The following MISP3 variants were observed in gnomAD, a reference collection of about 807,000 sequenced individuals.
MISP3 encodes uncharacterized protein MISP3.
In MISP3, 9 loss-of-function variants were observed where a neutral mutation model predicts 5.5. The observed-to-expected ratio is 1.65, with a 90% CI of 0.99 to 2.87. The LOEUF is 2.87. MISP3 is among the 30% of genes most tolerant of loss of function. MISP3 has a pLI of 0.00. For missense variants in MISP3, 152 were observed against 84.1 expected (o/e 1.81, Z -3.16); for synonymous variants, 87 against 38.1 (o/e 2.28, Z -4.73).
rs1174335394 is a variant in MISP3, at chr19:14,073,969, G to T, written c.568+92G>T. 2 of 646,532 alleles carry T rather than the reference G, an allele frequency of 3.1e-6. No homozygotes were observed. The highest frequency in any genetic ancestry group is 5.1e-5 in the Admixed American group (2 of 38,968). The allele number at this position is 646,532 out of a possible 1,614,324, so 40.0% of individuals were successfully genotyped here. A position where few individuals can be genotyped will look rare whatever the true frequency, so the allele number is the denominator to read the frequency against. ...TCAGTGGCCCCTCCTGTGGCCCTCC[G>T]ATTCTCGGGGTCTCTCCCTCCAAGC... On this transcript the variant is annotated intron_variant, in intron 1 of 2. Coordinates refer to ENST00000587086, the MANE Select transcript of MISP3 (RefSeq NM_001291291.2). This position sits in a 1 kb window ranked among gnomAD's most constrained non-coding sequence, Gnocchi z 8.5.
In MISP3 at chr19:14,074,439, G is replaced by A. The variant is rs1003518665; in HGVS notation, c.618G>A (p.Lys206=). ...TGGTGATCTGGCCCCCCCGCAGAAA[G>A]GTCTCGGAGAACGGCCTGGAGCAGG... ...KLVVIWPPRR[K]VSENGLEQEE... Residue 206 remains lysine (K), a synonymous_variant, in exon 2 of 3, where the codon AAG becomes AAA. Transcript: ENST00000587086. The surrounding 1 kb of genome is among the most constrained non-coding windows in gnomAD (Gnocchi z 4.4). The A allele has an allele frequency of 1.4e-6, 1 of 702,830 alleles. No individual in the cohort carries two copies. The highest frequency in any genetic ancestry group is 2.6e-6 in the Non-Finnish European group (1 of 384,974). The allele number at this position is 702,830 out of a possible 1,614,324, so 43.5% of individuals were successfully genotyped here.
Position 14,073,942 on chromosome 19 carries a change from C to A in MISP3, c.568+65C>A, listed in dbSNP as rs1976642253. On this transcript the variant is annotated intron_variant, in intron 1 of 2. Transcript: ENST00000587086. This position sits in a 1 kb window ranked among gnomAD's most constrained non-coding sequence, Gnocchi z 8.5. ...CCAGCCGCCCCCACCGATTGCCCAA[C>A]TTCAGTGGCCCCTCCTGTGGCCCTC... is the stretch of plus-strand genomic sequence containing the variant. 1.5e-6 allele frequency: 1 copy of A among 681,936 alleles called. No homozygotes were observed. Among genetic ancestry groups the A allele is most frequent in the Admixed American group, 2.2e-5 (1 of 45,838 alleles). The allele number at this position is 681,936 out of a possible 1,614,324, so 42.2% of individuals were successfully genotyped here.
In MISP3 at chr19:14,073,248, C is replaced by T. The variant is rs1262620690; in HGVS notation, c.-62C>T. Reference sequence around the variant, plus strand: ...TCCTCCTCCAGGTCAGGCTCGGAAGCCCCCCACCTGCGTTTTCCGCCGTGC... The same window carrying T: ...TCCTCCTCCAGGTCAGGCTCGGAAGTCCCCCACCTGCGTTTTCCGCCGTGC... On this transcript the variant is annotated 5_prime_UTR_variant, in exon 1 of 3. Transcript: ENST00000587086. The surrounding 1 kb of genome is among the most constrained non-coding windows in gnomAD (Gnocchi z 8.5). 1.2e-5 allele frequency: 8 copies of T among 683,264 alleles called. No homozygotes were observed. The East Asian group carries it at 1.9e-4, about 17-fold the overall frequency. The allele number at this position is 683,264 out of a possible 1,614,324, so 42.3% of individuals were successfully genotyped here. A position where few individuals can be genotyped will look rare whatever the true frequency, so the allele number is the denominator to read the frequency against.
At position 14,074,870 on chromosome 19, in the gene MISP3, C is replaced by T. The variant is rs1480874510; in HGVS notation, c.*147C>T. 4.7e-6 allele frequency: 3 copies of T among 636,976 alleles called. No homozygotes were observed. Among genetic ancestry groups the T allele is most frequent in the East Asian group, 2.8e-5 (1 of 36,166 alleles). 39.5% of individuals were successfully genotyped at this position (636,976 alleles called of 1,614,324 possible). On this transcript the variant is annotated 3_prime_UTR_variant, in exon 3 of 3. Coordinates refer to ENST00000587086, the MANE Select transcript of MISP3 (RefSeq NM_001291291.2). This position sits in a 1 kb window ranked among gnomAD's most constrained non-coding sequence, Gnocchi z 4.4. ...ACTTGCCTTTGTGAAATTGACCAGC[C>T]CCCTCTATAAAACTTACAGTCCCCC...
In MISP3 at chr19:14,074,888, A is replaced by G. The variant is rs1345065506; in HGVS notation, c.*165A>G. 2 of 614,130 alleles carry G rather than the reference A, an allele frequency of 3.3e-6. No homozygotes were observed. Among genetic ancestry groups the G allele is most frequent in the Non-Finnish European group, 6.0e-6 (2 of 333,654 alleles). The allele number at this position is 614,130 out of a possible 1,614,324, so 38.0% of individuals were successfully genotyped here. On this transcript the variant is annotated 3_prime_UTR_variant, in exon 3 of 3. Coordinates refer to ENST00000587086, the MANE Select transcript of MISP3 (RefSeq NM_001291291.2). This position sits in a 1 kb window ranked among gnomAD's most constrained non-coding sequence, Gnocchi z 4.4. ...GACCAGCCCCCTCTATAAAACTTAC[A>G]GTCCCCCATTGGGAAACTGACCACC...
rs921679118 is a variant in MISP3, at chr19:14,073,417, G to A, written c.108G>A (p.Glu36=). The A allele has an allele frequency of 1.6e-5, 11 of 674,440 alleles. No homozygotes were observed. Among genetic ancestry groups the A allele is most frequent in the Non-Finnish European group, 2.9e-5 (11 of 373,854 alleles). 41.8% of individuals were successfully genotyped at this position (674,440 alleles called of 1,614,324 possible). The stretch of plus-strand genomic sequence containing the variant: ...GCCGCGCAGGCCGTGAACTCGTCGA[G>A]CTGCGCGTGCGGCCGGTGCTCAACC... The part of the protein sequence containing the change: ...SPGRAGRELV[E]LRVRPVLNLP... Residue 36 remains glutamate, a synonymous_variant, in exon 1 of 3, where the codon GAG becomes GAA. Transcript: ENST00000587086. The surrounding 1 kb of genome is among the most constrained non-coding windows in gnomAD (Gnocchi z 8.5).
rs1313289865 is a variant in MISP3, at chr19:14,073,908, C to T, written c.568+31C>T. The T allele has an allele frequency of 1.4e-6, 1 of 697,150 alleles. No individual in the cohort carries two copies. Among genetic ancestry groups the T allele is most frequent in the Non-Finnish European group, 2.6e-6 (1 of 382,744 alleles). 43.2% of individuals were successfully genotyped at this position (697,150 alleles called of 1,614,324 possible). ...CCGCGGGCGTAGCAACGCCGGGACCCCCAGGGTTCCAGCCGCCCCCACCGA... is the reference window on the plus strand; with the variant it reads ...CCGCGGGCGTAGCAACGCCGGGACCTCCAGGGTTCCAGCCGCCCCCACCGA... On this transcript the variant is annotated intron_variant, in intron 1 of 2. Coordinates refer to ENST00000587086, the MANE Select transcript of MISP3 (RefSeq NM_001291291.2). This position sits in a 1 kb window ranked among gnomAD's most constrained non-coding sequence, Gnocchi z 8.5.
Position 14,074,788 on chromosome 19 carries a change from C to T in MISP3, c.*65C>T. ...CGCGTCAGAGGAACAGGGCGGGGGG[C>T]GTCTAGCATTAGGCCTGGAGAAGGG... On this transcript the variant is annotated 3_prime_UTR_variant, in exon 3 of 3. Transcript: ENST00000587086. The surrounding 1 kb of genome is among the most constrained non-coding windows in gnomAD (Gnocchi z 4.4). The T allele has an allele frequency of 1.4e-6, 1 of 693,588 alleles. No homozygotes were observed. Among genetic ancestry groups the T allele is most frequent in the Non-Finnish European group, 2.7e-6 (1 of 377,244 alleles). The allele number at this position is 693,588 out of a possible 1,614,324, so 43.0% of individuals were successfully genotyped here. A position where few individuals can be genotyped will look rare whatever the true frequency, so the allele number is the denominator to read the frequency against.
chr19:14,073,138 T>G lies in MISP3; in HGVS notation c.-172T>G. 1 of 666,034 alleles carries G rather than the reference T, an allele frequency of 1.5e-6. No individual in the cohort carries two copies. Among genetic ancestry groups the G allele is most frequent in the Non-Finnish European group, 2.8e-6 (1 of 361,346 alleles). The allele number at this position is 666,034 out of a possible 1,614,324, so 41.3% of individuals were successfully genotyped here. ...CCACAGCTGCGGGCTTTGAGAGTCC[T>G]GAGCCAGGCAGAGACGACCCTGGGC... On this transcript the variant is annotated 5_prime_UTR_variant, in exon 1 of 3. Coordinates refer to ENST00000587086, the MANE Select transcript of MISP3 (RefSeq NM_001291291.2). This position sits in a 1 kb window ranked among gnomAD's most constrained non-coding sequence, Gnocchi z 8.5.
Position 14,073,791 on chromosome 19 carries a change from T to C in MISP3, c.482T>C (p.Val161Ala), listed in dbSNP as rs1297494711. ...PSLLEQEVRAVREREQELQRQ... is the reference protein window; with the variant it reads ...PSLLEQEVRAAREREQELQRQ... The stretch of plus-strand genomic sequence containing the variant: ...CTGCTGGAGCAGGAGGTGCGCGCCG[T>C]GCGCGAGCGCGAGCAGGAACTGCAG... Residue 161 changes from valine to alanine, a missense_variant, in exon 1 of 3, where the codon GTG becomes GCG. Val to Ala is a moderately conservative substitution (Grantham distance 64, BLOSUM62 0). Coordinates refer to ENST00000587086, the MANE Select transcript of MISP3 (RefSeq NM_001291291.2). The surrounding 1 kb of genome is among the most constrained non-coding windows in gnomAD (Gnocchi z 8.5). The C allele has an allele frequency of 1.4e-6, 1 of 701,202 alleles. No homozygotes were observed. Among genetic ancestry groups the C allele is most frequent in the Non-Finnish European group, 2.6e-6 (1 of 384,278 alleles). The allele number at this position is 701,202 out of a possible 1,614,324, so 43.4% of individuals were successfully genotyped here.
In MISP3 at chr19:14,073,570, G is replaced by A. The variant is rs1976626681; in HGVS notation, c.261G>A (p.Pro87=). The A allele has an allele frequency of 4.0e-6, 1 of 252,836 alleles. No homozygotes were observed. Among genetic ancestry groups the A allele is most frequent in the Non-Finnish European group, 7.4e-6 (1 of 134,732 alleles). The allele number at this position is 252,836 out of a possible 1,614,324, so 15.7% of individuals were successfully genotyped here. The change falls in exon 1 of 3, where the codon CCG becomes CCA. Residue 87 remains proline (P), a synonymous_variant. Transcript: ENST00000587086. This position sits in a 1 kb window ranked among gnomAD's most constrained non-coding sequence, Gnocchi z 8.5. ...AALARPAVPE[P]RARSPPQPLG... ...TGGCGCGCCCCGCGGTCCCCGAGCCGCGCGCCCGGTCGCCGCCGCAGCCGC... is the reference window on the plus strand; with the variant it reads ...TGGCGCGCCCCGCGGTCCCCGAGCCACGCGCCCGGTCGCCGCCGCAGCCGC...
Position 14,074,465 on chromosome 19 carries a change from TG to T in MISP3, c.642+5del. The T allele has an allele frequency of 1.4e-6, 1 of 702,396 alleles. No homozygotes were observed. 43.5% of individuals were successfully genotyped at this position (702,396 alleles called of 1,614,324 possible). ...GTCTCGGAGAACGGCCTGGAGCAGG[TG>T]GGAGCCCCCTTACCCGTGTGCCTCT... On this transcript the variant is annotated splice_donor_region_variant and intron_variant, in intron 2 of 2. Transcript: ENST00000587086. This position sits in a 1 kb window ranked among gnomAD's most constrained non-coding sequence, Gnocchi z 4.4.
In MISP3 at chr19:14,073,440, A is replaced by G. The variant is rs1052747128; in HGVS notation, c.131A>G (p.Asn44Ser). Residue 44 changes from asparagine to serine, a missense_variant, in exon 1 of 3, where the codon AAC becomes AGC. Transcript: ENST00000587086. The surrounding 1 kb of genome is among the most constrained non-coding windows in gnomAD (Gnocchi z 8.5). ...GAGCTGCGCGTGCGGCCGGTGCTCA[A>G]CCTGCCGGGTCCTGGCCCCGCGCTC... Reference protein sequence around the residue: ...LVELRVRPVLNLPGPGPALPR... With the variant: ...LVELRVRPVLSLPGPGPALPR... 25 of 641,500 alleles carry G rather than the reference A, an allele frequency of 3.9e-5. No individual in the cohort carries two copies. Among genetic ancestry groups the G allele is most frequent in the African/African-American group, 3.7e-4 (19 of 51,434 alleles). The allele number at this position is 641,500 out of a possible 1,614,324, so 39.7% of individuals were successfully genotyped here.
rs1250069152 is a variant in MISP3 at position 14,074,973 on chromosome 19, A to G, written c.*250A>G. ...TCTCTGCCTAATTGCAAACTGAACTACCCTCTCCCTTGACTGTTAAGAGGG... is the reference window on the plus strand; with the variant it reads ...TCTCTGCCTAATTGCAAACTGAACTGCCCTCTCCCTTGACTGTTAAGAGGG... On this transcript the variant is annotated 3_prime_UTR_variant, in exon 3 of 3. Transcript: ENST00000587086. The surrounding 1 kb of genome is among the most constrained non-coding windows in gnomAD (Gnocchi z 4.4). 3.9e-6 allele frequency: 2 copies of G among 506,464 alleles called. No homozygotes were observed. The highest frequency in any genetic ancestry group is 7.3e-6 in the Non-Finnish European group (2 of 274,474). The allele number at this position is 506,464 out of a possible 1,614,324, so 31.4% of individuals were successfully genotyped here.
Position 14,074,966 on chromosome 19 carries a change from C to G in MISP3, c.*243C>G, listed in dbSNP as rs970156176. On this transcript the variant is annotated 3_prime_UTR_variant, in exon 3 of 3. Coordinates refer to ENST00000587086, the MANE Select transcript of MISP3 (RefSeq NM_001291291.2). This position sits in a 1 kb window ranked among gnomAD's most constrained non-coding sequence, Gnocchi z 4.4. ...CAGCCCTTCTCTGCCTAATTGCAAA[C>G]TGAACTACCCTCTCCCTTGACTGTT... 5.4e-6 allele frequency: 3 copies of G among 552,034 alleles called. No homozygotes were observed. Among genetic ancestry groups the G allele is most frequent in the Non-Finnish European group, 9.9e-6 (3 of 301,560 alleles). The allele number at this position is 552,034 out of a possible 1,614,324, so 34.2% of individuals were successfully genotyped here.
Position 14,073,575 on chromosome 19 carries a change from C to A in MISP3, c.266C>A (p.Ala89Asp), listed in dbSNP as rs879391818. 3 of 260,562 alleles carry A rather than the reference C, an allele frequency of 1.2e-5. No homozygotes were observed. The highest frequency in any genetic ancestry group is 1.1e-3 in the Middle Eastern group (1 of 880). The allele number at this position is 260,562 out of a possible 1,614,324, so 16.1% of individuals were successfully genotyped here. ...CGCCCCGCGGTCCCCGAGCCGCGCG[C>A]CCGGTCGCCGCCGCAGCCGCTGGGC... ...LARPAVPEPR[A>D]RSPPQPLGEL... Residue 89 changes from alanine (A) to aspartate (D), a missense_variant, in exon 1 of 3, where the codon GCC (alanine) becomes GAC (aspartate). Physicochemically the swap from Ala to Asp is moderately radical, Grantham distance 126 (BLOSUM62 -2). Transcript: ENST00000587086. This position sits in a 1 kb window ranked among gnomAD's most constrained non-coding sequence, Gnocchi z 8.5.
Position 14,073,855 on chromosome 19 carries a change from G to A in MISP3, c.546G>A (p.Lys182=), listed in dbSNP as rs1976638415. The A allele has an allele frequency of 1.4e-6, 1 of 701,856 alleles. No individual in the cohort carries two copies. The highest frequency in any genetic ancestry group is 1.7e-5 in the African/African-American group (1 of 57,328). 43.5% of individuals were successfully genotyped at this position (701,856 alleles called of 1,614,324 possible). Residue 182 remains lysine (K), a synonymous_variant, in exon 1 of 3, where the codon AAG becomes AAA. Coordinates refer to ENST00000587086, the MANE Select transcript of MISP3 (RefSeq NM_001291291.2). This position sits in a 1 kb window ranked among gnomAD's most constrained non-coding sequence, Gnocchi z 8.5. ...GCGTCTATGGCACCGCGGAGTTCAA[G>A]GAGCCTACGCCGAGCCTCACCGGTA... The part of the protein sequence containing the change: ...RRSVYGTAEF[K]EPTPSLTASR...
Position 14,073,056 on chromosome 19 carries a change from A to G in MISP3, c.-254A>G, listed in dbSNP as rs1397064637. 1.7e-6 allele frequency: 1 copy of G among 579,800 alleles called. No homozygotes were observed. Among genetic ancestry groups the G allele is most frequent in the East Asian group, 3.8e-5 (1 of 26,274 alleles). 35.9% of individuals were successfully genotyped at this position (579,800 alleles called of 1,614,324 possible). ...GCAAAGGACGTGGAGATCCTGGAGC[A>G]AGAGAGCGAAGTCCTCGAGCCATCA... On this transcript the variant is annotated 5_prime_UTR_variant, in exon 1 of 3. Coordinates refer to ENST00000587086, the MANE Select transcript of MISP3 (RefSeq NM_001291291.2). The surrounding 1 kb of genome is among the most constrained non-coding windows in gnomAD (Gnocchi z 8.5).
In MISP3 at chr19:14,073,156, C is replaced by A; in HGVS notation, c.-154C>A. ...AGAGTCCTGAGCCAGGCAGAGACGA[C>A]CCTGGGCCGTCCGAAGCGCAAAGGG... On this transcript the variant is annotated 5_prime_UTR_variant, in exon 1 of 3. Transcript: ENST00000587086. The surrounding 1 kb of genome is among the most constrained non-coding windows in gnomAD (Gnocchi z 8.5). The A allele has an allele frequency of 1.5e-6, 1 of 671,874 alleles. No individual in the cohort carries two copies. The highest frequency in any genetic ancestry group is 2.7e-6 in the Non-Finnish European group (1 of 365,180). The allele number at this position is 671,874 out of a possible 1,614,324, so 41.6% of individuals were successfully genotyped here.
Sources: gnomAD v4.1 joint callset for allele counts on GRCh38, gnomAD v4.1.1 for gene constraint, Gnocchi (gnomAD v3.1) non-coding constraint, MANE v1.5 for transcripts, NCBI Gene and HGNC (gene_info 2026-07-23, HGNC 2026-07-21) for gene names.